MKLN1: variants seen among roughly 807,000 people sequenced by gnomAD.
MKLN1 encodes the protein muskelin.
MKLN1 carries 18 observed loss-of-function variants against 99.0 expected under a neutral mutation model. The ratio of observed to expected loss-of-function variants is 0.18; its 90% CI spans 0.13 to 0.27. The LOEUF is 0.27. MKLN1 is among the 10% of genes least tolerant of loss of function. MKLN1 has a pLI of 1.00. For missense variants in MKLN1, 621 were observed against 875.9 expected (o/e 0.71, Z 3.67); for synonymous variants, 288 against 293.2 (o/e 0.98, Z 0.18).
intron 2 of MKLN1, among the ~76,000 whole-genome samples, chr7:131,386,205 G>C (rs1414871542): frequency 1.3e-5 from 2 of 152,056 alleles, no homozygotes; most frequent in Non-Finnish European, 2.9e-5. Flanking sequence ...GTAAAAACGG[G>C]GTTTCACCAT....
intron 8 of MKLN1, among the ~76,000 whole-genome samples, chr7:131,424,246 T>G (rs951840297): frequency 1.3e-5 from 2 of 152,188 alleles, no homozygotes; most frequent in Admixed American, 1.3e-4. Flanking sequence ...TCTCGGTGTC[T>G]TAACTAAGAA....
intron 4 of MKLN1, among the ~76,000 whole-genome samples, chr7:131,391,598 A>G (rs183927753): frequency 9.6e-4 from 146 of 152,356 alleles, no homozygotes; most frequent in Admixed American, 1.6e-3. Context: ...TGGATAATTC[A>G]GAGTACCAGT....
chr7:131,484,853 G>C (rs921442408), intron 17 of MKLN1, among the ~76,000 whole-genome samples: 16 of 151,842 alleles, frequency 1.1e-4, no homozygotes, highest in Admixed American at 9.8e-4. Context: ...ATATGATGTT[G>C]CTGGGAGTCA....
rs1643270 is a variant in MKLN1 at position 131,490,735 on chromosome 7, T to C, written c.*3007T>C. On this transcript the variant is annotated 3_prime_UTR_variant, in exon 18 of 18. Transcript: ENST00000352689. Reference sequence around the variant, plus strand: ...GTTTGATGGGTTTAGAGCTCAGTGATTTAAGCTTGTAAAACTGCATTCTTG... The same window carrying C: ...GTTTGATGGGTTTAGAGCTCAGTGACTTAAGCTTGTAAAACTGCATTCTTG... 0.43 allele frequency: 65,722 copies of C among 152,424 alleles called. 14,517 individuals are homozygous for C. Among genetic ancestry groups the C allele is most frequent in the East Asian group, 0.49 (2,552 of 5,170 alleles). 9.4% of individuals were successfully genotyped at this position (152,424 alleles called of 1,614,324 possible).
At chr7:131,362,885 TC>T (rs1800072318) in intron 1 of MKLN1, among the ~76,000 whole-genome samples, 3 of 152,048 alleles carry the variant, frequency 2.0e-5, no homozygotes, top group Admixed American at 6.6e-5. Context: ...TATCAGCTCT[TC>T]CTGTCATTCT....
intron 12 of MKLN1, among the ~76,000 whole-genome samples, chr7:131,459,302 G>A (rs547851256): frequency 8.5e-5 from 13 of 152,218 alleles, no homozygotes; most frequent in South Asian, 8.3e-4. Flanking sequence ...TCTTTATGGC[G>A]AGCTCCTAGA....
intron 3 of MKLN1, among the ~76,000 whole-genome samples, chr7:131,228,656 C>G (rs1797193902): frequency 6.6e-6 from 1 of 152,070 alleles, no homozygotes; most frequent in Non-Finnish European, 1.5e-5. Flanking sequence ...AAGTAAAGAA[C>G]CAGACATAGT....
At chr7:131,234,907 G>T (rs1290123770) in intron 3 of MKLN1, among the ~76,000 whole-genome samples, 6 of 152,050 alleles carry the variant, frequency 3.9e-5, no homozygotes, top group African/African-American at 1.5e-4. Flanking sequence ...AATTCATTCG[G>T]ATGCTTGCTG....
rs114356758 is a variant in MKLN1 at position 131,191,556 on chromosome 7, A to G, written c.-296-11301A>G. On this transcript the variant is annotated intron_variant, in intron 2 of 7. Coordinates refer to the MKLN1 transcript ENST00000416992. ...CTCATTTTTATTGAGATAAAATAAA[A>G]AGGAAATTGAAGAATTTTCCATTTA... Among the ~76,000 whole-genome samples, 1,255 of 152,262 alleles carry G rather than the reference A, an allele frequency of 8.2e-3. 23 individuals are homozygous for G. Among genetic ancestry groups the G allele is most frequent in the African/African-American group, 0.028 (1,167 of 41,526 alleles).
At chr7:131,486,390 T>C (rs575063297) in intron 17 of MKLN1, among the ~76,000 whole-genome samples, 5 of 152,216 alleles carry the variant, frequency 3.3e-5, no homozygotes, top group African/African-American at 1.2e-4. Flanking sequence ...CTCAAGCTCA[T>C]CTCAAGTAAA....
intron 3 of MKLN1, among the ~76,000 whole-genome samples, chr7:131,311,909 C>T (rs1798571831): frequency 6.6e-6 from 1 of 151,818 alleles, no homozygotes; most frequent in South Asian, 2.1e-4. Context: ...AAAGAGAAAA[C>T]CAAATTTTAC....
chr7:131,237,437 G>A (rs570699661), intron 3 of MKLN1, among the ~76,000 whole-genome samples: 2 of 152,292 alleles, frequency 1.3e-5, no homozygotes, highest in East Asian at 3.9e-4. Flanking sequence ...CAGAAAGGTG[G>A]AATGACTTGT....
At chr7:131,346,694 C>T (rs988102312) in intron 1 of MKLN1, among the ~76,000 whole-genome samples, 7 of 152,284 alleles carry the variant, frequency 4.6e-5, no homozygotes, top group African/African-American at 1.7e-4. Flanking sequence ...CATTAACTGA[C>T]AGCAGTTTGC....
chr7:131,332,035 T>C (rs1799091781), intron 1 of MKLN1, among the ~76,000 whole-genome samples: 1 of 152,144 alleles, frequency 6.6e-6, no homozygotes, highest in South Asian at 2.1e-4. Context: ...TGTGTCAACA[T>C]GTGATTGATT....
chr7:131,168,658 A>G (rs1796170886), intron 2 of MKLN1, among the ~76,000 whole-genome samples: 1 of 152,166 alleles, frequency 6.6e-6, no homozygotes, highest in Admixed American at 6.6e-5. Flanking sequence ...GAATTAATTC[A>G]ATGTCTACCT....
intron 3 of MKLN1, among the ~76,000 whole-genome samples, chr7:131,209,724 A>G (rs1796872577): frequency 6.6e-6 from 1 of 152,196 alleles, no homozygotes; most frequent in Admixed American, 6.5e-5. Context: ...TCATTCAGTC[A>G]TAATAATCCC....
chr7:131,178,176 G>A (rs1388391911), intron 2 of MKLN1, among the ~76,000 whole-genome samples: 1 of 151,940 alleles, frequency 6.6e-6, no homozygotes, highest in East Asian at 1.9e-4. Flanking sequence ...AAGTGCAATG[G>A]CGTTATCTCG....
At chr7:131,441,661 G>T (rs1443528283) in intron 10 of MKLN1, among the ~76,000 whole-genome samples, 1 of 152,178 alleles carries the variant, frequency 6.6e-6, no homozygotes, top group Non-Finnish European at 1.5e-5. Flanking sequence ...AAACTGGTAT[G>T]CTAGGAAGAA....
At chr7:131,223,879 G>A (rs958255509) in intron 3 of MKLN1, among the ~76,000 whole-genome samples, 2 of 152,070 alleles carry the variant, frequency 1.3e-5, no homozygotes, top group Non-Finnish European at 2.9e-5. Context: ...CGATTCTCCT[G>A]ACTCAGCCTC....
Sources: gnomAD v4.1 joint callset for allele counts (sites outside exome capture counted in the v4.1 genomes callset) on GRCh38, gnomAD v4.1.1 for gene constraint, MANE v1.5 for transcripts, NCBI Gene and HGNC (gene_info 2026-07-23, HGNC 2026-07-21) for gene names.